GRID2: variants seen among roughly 807,000 people sequenced by gnomAD.
The protein encoded by GRID2 is glutamate ionotropic receptor delta type subunit 2.
In GRID2, 33 loss-of-function variants were observed where a neutral mutation model predicts 114.8. The observed-to-expected ratio is 0.29, with a 90% CI of 0.22 to 0.38. The LOEUF (loss-of-function observed/expected upper bound fraction) is 0.38. GRID2 is among the 10% of genes least tolerant of loss of function. The probability of loss-of-function intolerance (pLI) is 1.00; values close to 1 mark genes in which losing one functional copy is unlikely to be tolerated. For synonymous variants in GRID2, 505 were observed against 449.9 expected, an observed-to-expected ratio of 1.12 and a Z score of -1.55; for missense variants, 1,184 against 1,257.7, an observed-to-expected ratio of 0.94 and a Z score of 0.89.
At chr4:93,403,092 G>A (rs1414791922) in intron 9 of GRID2, among the ~76,000 whole-genome samples, 1 of 152,180 alleles carries the variant, frequency 6.6e-6, no homozygotes, top group Non-Finnish European at 1.5e-5. Flanking sequence ...AGAGCTGACA[G>A]CAAGCTCTGG....
At chr4:93,027,772 A>T (rs976600818) in intron 2 of GRID2, among the ~76,000 whole-genome samples, 4 of 152,170 alleles carry the variant, frequency 2.6e-5, no homozygotes, top group Non-Finnish European at 5.9e-5. Flanking sequence ...ATACCTAAAT[A>T]CAAATTTAAT....
chr4:93,340,291 AT>A (rs1329280644), intron 8 of GRID2, among the ~76,000 whole-genome samples: 3 of 144,260 alleles, frequency 2.1e-5, no homozygotes, highest in Non-Finnish European at 3.0e-5. Context: ...AAGCTCCTAA[AT>A]TGGCCCACTA....
intron 7 of GRID2, among the ~76,000 whole-genome samples, chr4:93,237,892 TA>T (rs1240017266): frequency 1.3e-5 from 2 of 151,864 alleles, no homozygotes; most frequent in African/African-American, 2.4e-5. Context: ...CACCCTCTAA[TA>T]ATCTAGAAAC....
chr4:93,188,937 A>T (rs1229930887), intron 4 of GRID2, among the ~76,000 whole-genome samples: 1 of 152,172 alleles, frequency 6.6e-6, no homozygotes, highest in Non-Finnish European at 1.5e-5. Context: ...CCTTTATCAT[A>T]CACATTTCAA....
chr4:93,715,727 C>G (rs920775106), intron 14 of GRID2, among the ~76,000 whole-genome samples: 10 of 152,136 alleles, frequency 6.6e-5, no homozygotes, highest in Admixed American at 1.3e-4. Context: ...ATTTGGCTCT[C>G]AACTTGCCTG....
At chr4:92,362,831 TTG>T (rs1404288259) in intron 1 of GRID2, among the ~76,000 whole-genome samples, 3 of 152,040 alleles carry the variant, frequency 2.0e-5, no homozygotes, top group African/African-American at 7.2e-5. Flanking sequence ...CTGAATTTAA[TTG>T]TGTCATTGTA....
intron 2 of GRID2, among the ~76,000 whole-genome samples, chr4:92,777,665 C>T (rs1280869382): frequency 2.6e-5 from 4 of 151,372 alleles, no homozygotes; most frequent in African/African-American, 7.3e-5. Context: ...GGTCATCGAG[C>T]CATGCCCTAA....
At chr4:92,371,474 G>C (rs1729112959) in intron 1 of GRID2, among the ~76,000 whole-genome samples, 1 of 152,084 alleles carries the variant, frequency 6.6e-6, no homozygotes. Flanking sequence ...GGGGTCTTAA[G>C]AATTATGGTA....
chr4:92,386,552 T>A (rs550748505), intron 1 of GRID2, among the ~76,000 whole-genome samples: 1 of 151,758 alleles, frequency 6.6e-6, no homozygotes, highest in African/African-American at 2.4e-5. Flanking sequence ...AAATAAAAAA[T>A]CTTTTATGGA....
chr4:93,354,535 C>CA (rs1761123178), intron 8 of GRID2, among the ~76,000 whole-genome samples: 1 of 151,762 alleles, frequency 6.6e-6, no homozygotes, highest in Non-Finnish European at 1.5e-5. Context: ...TTACCAATCC[C>CA]TGTATCACCA....
At chr4:93,175,088 C>A (rs1739224857) in intron 4 of GRID2, among the ~76,000 whole-genome samples, 1 of 152,140 alleles carries the variant, frequency 6.6e-6, no homozygotes, top group Non-Finnish European at 1.5e-5. Flanking sequence ...TTCCTACTAG[C>A]AATATGTGGG....
chr4:92,729,808 A>C (rs1736246369), intron 2 of GRID2, among the ~76,000 whole-genome samples: 1 of 145,264 alleles, frequency 6.9e-6, no homozygotes, highest in Non-Finnish European at 1.5e-5. Flanking sequence ...TATTGCAAAA[A>C]TTTAACAAAA....
intron 11 of GRID2, among the ~76,000 whole-genome samples, chr4:93,485,362 C>G (rs969918401): frequency 6.6e-6 from 1 of 151,482 alleles, no homozygotes; most frequent in African/African-American, 2.4e-5. Flanking sequence ...TTTATGGTAT[C>G]TTTTTAACTA....
At chr4:92,339,118 G>C (rs897810722) in intron 1 of GRID2, among the ~76,000 whole-genome samples, 1 of 151,992 alleles carries the variant, frequency 6.6e-6, no homozygotes, top group Non-Finnish European at 1.5e-5. Context: ...ATAATTTTAG[G>C]TGAACCATTA....
intron 2 of GRID2, among the ~76,000 whole-genome samples, chr4:92,780,634 C>G (rs1042829948): frequency 6.6e-6 from 1 of 152,056 alleles, no homozygotes; most frequent in Non-Finnish European, 1.5e-5. Context: ...GGTTTCAATC[C>G]TTATGAAGAA....
intron 8 of GRID2, 105 bp downstream of exon 8, chr4:93,238,595 G>GC: frequency 1.2e-6 from 1 of 837,044 alleles, no homozygotes; most frequent in South Asian, 2.0e-5. Flanking sequence ...CAATATTGTA[G>GC]TGTGAAAGAG....
intron 14 of GRID2, among the ~76,000 whole-genome samples, chr4:93,667,218 C>G (rs557068101): frequency 6.6e-6 from 1 of 151,970 alleles, no homozygotes; most frequent in Admixed American, 6.6e-5. Flanking sequence ...AAAAGAGGAT[C>G]TAAACTAGAC....
intron 3 of GRID2, among the ~76,000 whole-genome samples, chr4:93,110,038 A>G (rs1302232500): frequency 1.3e-5 from 2 of 152,170 alleles, no homozygotes; most frequent in African/African-American, 2.4e-5. Context: ...TCATCATGCA[A>G]TCAAAAATGT....
intron 2 of GRID2, among the ~76,000 whole-genome samples, chr4:92,693,660 G>A (rs1234655763): frequency 6.6e-6 from 1 of 152,128 alleles, no homozygotes; most frequent in Non-Finnish European, 1.5e-5. Flanking sequence ...AAATTGAGTG[G>A]AATTACATCT....
Sources: allele counts gnomAD v4.1 joint callset (sites outside exome capture counted in the v4.1 genomes callset), GRCh38; gene constraint gnomAD v4.1.1; transcripts MANE v1.5; gene names NCBI Gene and HGNC (gene_info 2026-07-23, HGNC 2026-07-21).